The following NUP210 variants were observed in gnomAD, a reference collection of about 807,000 sequenced individuals.
The protein encoded by NUP210 is nuclear pore membrane glycoprotein 210.
In NUP210, 151 loss-of-function variants were observed where a neutral mutation model predicts 196.0. The observed-to-expected ratio is 0.77, with a 90% CI of 0.67 to 0.88. The LOEUF (loss-of-function observed/expected upper bound fraction) is 0.88, where lower values mean the gene tolerates loss of function less well. Among genes scored for constraint, NUP210 ranks in the 40% least tolerant of loss-of-function variants. NUP210 has a pLI of 0.00. For synonymous variants in NUP210, 1,070 were observed against 1,052.7 expected, an observed-to-expected ratio of 1.02 and a Z score of -0.32; for missense variants, 2,314 against 2,493.7, an observed-to-expected ratio of 0.93 and a Z score of 1.53.
At chr3:13,410,917 C>CA (rs35395985) in intron 1 of NUP210, among the ~76,000 whole-genome samples, 1,015 of 77,398 alleles carry the variant, frequency 0.013, 13 homozygotes, top group Middle Eastern at 0.032. Flanking sequence ...GACTCTGTCT[C>CA]AAAAAAAAAA....
Position 13,360,260 on chromosome 3 carries a change from G to A in NUP210, c.2154+10C>T. 1 of 1,610,056 alleles carries A rather than the reference G, an allele frequency of 6.2e-7. No individual in the cohort carries two copies. The highest frequency in any genetic ancestry group is 8.5e-7 in the Non-Finnish European group (1 of 1,176,380). On this transcript the variant is annotated intron_variant, in intron 15 of 39. Transcript: ENST00000254508. ...AGGGCAAGGAGGGTCTGGAGCAGCT[G>A]CCCACTCACCTGCTCACCCAAGGCC...
chr3:13,317,688 G>C lies in NUP210; in HGVS notation c.5657C>G (p.Ser1886Cys). The C allele has an allele frequency of 6.2e-7, 1 of 1,606,888 alleles. No homozygotes were observed. The highest frequency in any genetic ancestry group is 8.5e-7 in the Non-Finnish European group (1 of 1,176,478). The change falls in exon 40 of 40, where the codon TCC (serine) becomes TGC (cysteine). Residue 1886 changes from serine to cysteine, a missense_variant. Ser to Cys is a moderately radical substitution (Grantham distance 112). Transcript: ENST00000254508. ...PSGLWSPAYASH is the reference protein window; with the variant it reads ...PSGLWSPAYACH ...CGGGAACCTTCACGCGGCCTAGTGG[G>C]AGGCATAGGCTGGGCTCCACAGCCC...
chr3:13,339,376 C>T (rs1327129631), intron 25 of NUP210, among the ~76,000 whole-genome samples: 1 of 152,192 alleles, frequency 6.6e-6, no homozygotes, highest in East Asian at 1.9e-4. Context: ...TTCTTACAGA[C>T]CAGGTTTCTG....
intron 13 of NUP210, among the ~76,000 whole-genome samples, chr3:13,366,632 C>G (rs1235231682): frequency 3.3e-5 from 5 of 151,522 alleles, no homozygotes; most frequent in Non-Finnish European, 7.4e-5. Context: ...ATTCTCCTGC[C>G]TCAGCCTCCC....
intron 14 of NUP210, among the ~76,000 whole-genome samples, chr3:13,362,070 T>C (rs550263717): frequency 6.6e-6 from 1 of 152,284 alleles, no homozygotes; most frequent in South Asian, 2.1e-4. Flanking sequence ...CTGAAGGAGC[T>C]TCATGGCCTG....
intron 15 of NUP210, 82 bp downstream of exon 15, chr3:13,360,188 G>T: frequency 1.7e-6 from 2 of 1,189,720 alleles, no homozygotes; most frequent in Non-Finnish European, 2.4e-6. Context: ...GTTACTCCAA[G>T]GAGTAAATAA....
At position 13,399,737 on chromosome 3, in the gene NUP210, C is replaced by G. The variant is rs201239438; in HGVS notation, c.292G>C (p.Ala98Pro). ...QPARLTSIIF[A>P]EDITTGQVLR... The stretch of plus-strand genomic sequence containing the variant: ...ACTCAGCCCTTACTGATGTCCTCTG[C>G]GAAGATGATGCTGGTGAGGCGGGCA... Residue 98 changes from alanine to proline, a missense_variant, in exon 2 of 40, where the codon GCA (alanine) becomes CCA (proline). Coordinates refer to ENST00000254508, the MANE Select transcript of NUP210 (RefSeq NM_024923.4). 5 of 1,614,008 alleles carry G rather than the reference C, an allele frequency of 3.1e-6. No homozygotes were observed. The highest frequency in any genetic ancestry group is 2.2e-5 in the East Asian group (1 of 44,896).
In NUP210 at chr3:13,352,166, G is replaced by A. The variant is rs766362623; in HGVS notation, c.2647C>T (p.Leu883=). The A allele has an allele frequency of 1.9e-6, 3 of 1,613,392 alleles. No individual in the cohort carries two copies. In the South Asian group the frequency reaches 3.3e-5, roughly 18 times the overall value. ...TKQPHDPLVP[L]SASIELILVE... is the part of the protein sequence containing the mutation. ...AGGATGAGCTCTATGGAGGCCGACA[G>A]AGGCACCAGAGGGTCATGCTGAAGG... The change falls in exon 19 of 40, where the codon CTG becomes TTG. Residue 883 remains leucine (L), a synonymous_variant. Coordinates refer to ENST00000254508, the MANE Select transcript of NUP210 (RefSeq NM_024923.4).
At chr3:13,376,126 T>A (rs1056490156) in intron 10 of NUP210, among the ~76,000 whole-genome samples, 165 bp downstream of exon 10, 1 of 152,220 alleles carries the variant, frequency 6.6e-6, no homozygotes, top group Admixed American at 6.5e-5. Context: ...GATGGGCTTC[T>A]TAAAGACTAA....
chr3:13,331,329 C>T (rs1696986923), intron 29 of NUP210, among the ~76,000 whole-genome samples: 1 of 152,144 alleles, frequency 6.6e-6, no homozygotes, highest in African/African-American at 2.4e-5. Context: ...CAAAGGCCTC[C>T]AGCTCCCACG....
intron 12 of NUP210, among the ~76,000 whole-genome samples, chr3:13,372,516 T>C (rs537346438): frequency 2.0e-5 from 3 of 152,232 alleles, no homozygotes; most frequent in East Asian, 1.9e-4. Context: ...GAGGAGGCTG[T>C]TGGAAAGCCC....
In NUP210 at chr3:13,319,285, C is replaced by T. The variant is rs370594197; in HGVS notation, c.5424G>A (p.Gln1808=). Residue 1808 remains glutamine (Q), a synonymous_variant, in exon 38 of 40, where the codon CAG becomes CAA. Coordinates refer to ENST00000254508, the MANE Select transcript of NUP210 (RefSeq NM_024923.4). ...SLFQHFLDSY[Q]VMFFTLFALL... The stretch of plus-strand genomic sequence containing the variant: ...GGGCGAAGAGCGTGAAGAACATGAC[C>T]TGGTAGGAATCCAGGAAGTGCTGGA... 25 of 1,612,842 alleles carry T rather than the reference C, an allele frequency of 1.6e-5. No homozygotes were observed. The highest frequency in any genetic ancestry group is 2.1e-5 in the Non-Finnish European group (25 of 1,179,544).
intron 1 of NUP210, among the ~76,000 whole-genome samples, chr3:13,401,316 G>A (rs1176367462): frequency 7.3e-6 from 1 of 137,228 alleles, no homozygotes; most frequent in African/African-American, 2.8e-5. Flanking sequence ...CAGATGTCCC[G>A]CCTTCTGGCT....
intron 33 of NUP210, among the ~76,000 whole-genome samples, chr3:13,325,395 G>C (rs1696707209): frequency 6.6e-6 from 1 of 152,242 alleles, no homozygotes; most frequent in Non-Finnish European, 1.5e-5. Context: ...ATTCTCAACT[G>C]GAGATGAATG....
chr3:13,368,139 A>C (rs1371813346), intron 13 of NUP210, among the ~76,000 whole-genome samples: 2 of 152,056 alleles, frequency 1.3e-5, no homozygotes, highest in East Asian at 3.9e-4. Context: ...GCAGTGGCAC[A>C]ATCTTGGCTC....
At chr3:13,412,226 C>CTT (rs1315087590) in intron 1 of NUP210, among the ~76,000 whole-genome samples, 2 of 70,898 alleles carry the variant, frequency 2.8e-5, no homozygotes, top group African/African-American at 9.7e-5. Context: ...CTTTATTTTC[C>CTT]TTTTCTTTTT....
At position 13,373,866 on chromosome 3, in the gene NUP210, C is replaced by T. The variant is rs781227346; in HGVS notation, c.1439G>A (p.Gly480Asp). ...AGACCAGCTGAAGTTCCCACTGCCA[C>T]CGTGGGCCTGCGGAGGAAAAGCCAT... ...GAYQYTIRAH[G>D]GSGNFSWSSS... Residue 480 changes from glycine to aspartate, a missense_variant, in exon 12 of 40, where the codon GGT becomes GAT. Transcript: ENST00000254508. The T allele has an allele frequency of 1.9e-6, 3 of 1,613,404 alleles. No individual in the cohort carries two copies. Among genetic ancestry groups the T allele is most frequent in the Non-Finnish European group, 2.5e-6 (3 of 1,179,698 alleles).
At chr3:13,325,257 G>A (rs1296841247) in intron 33 of NUP210, among the ~76,000 whole-genome samples, 1 of 152,158 alleles carries the variant, frequency 6.6e-6, no homozygotes, top group South Asian at 2.1e-4. Flanking sequence ...CAACTGGCTC[G>A]CCCAAACTGC....
At chr3:13,376,823 G>A (rs887462614) in intron 9 of NUP210, among the ~76,000 whole-genome samples, 6 of 152,136 alleles carry the variant, frequency 3.9e-5, no homozygotes, top group African/African-American at 1.2e-4. Context: ...CATGAGCAAA[G>A]CAACGACATC....
Sources: allele counts gnomAD v4.1 joint callset (sites outside exome capture counted in the v4.1 genomes callset), GRCh38; gene constraint gnomAD v4.1.1; transcripts MANE v1.5; gene names NCBI Gene and HGNC (gene_info 2026-07-23, HGNC 2026-07-21).